The following MAN2A1 variants were observed in gnomAD, a reference collection of about 807,000 sequenced individuals.
The protein encoded by MAN2A1 is alpha-mannosidase 2.
A neutral mutation model predicts 142.6 loss-of-function variants in MAN2A1; 76 were observed. The observed-to-expected ratio is 0.53, with a 90% confidence interval of 0.44 to 0.65. The LOEUF is 0.65. Among genes scored for constraint, MAN2A1 ranks in the 30% least tolerant of loss-of-function variants. The pLI is 0.00. For synonymous variants in MAN2A1, 559 were observed against 473.2 expected, an observed-to-expected ratio of 1.18 and a Z score of -2.35; for missense variants, 1,311 against 1,365.1, an observed-to-expected ratio of 0.96 and a Z score of 0.62.
chr5:109,826,437 T>TC lies in MAN2A1; in HGVS notation c.2566+2601dup, dbSNP rs537780845. On this transcript the variant is annotated intron_variant, in intron 16 of 21. Coordinates refer to ENST00000261483, the MANE Select transcript of MAN2A1 (RefSeq NM_002372.4). Reference sequence around the variant, plus strand: ...ATTCTAGTCCGGATCATTTTTTTTTTCAACATGAAAGCAGTTGGTAGGAAA... The same window carrying TC: ...ATTCTAGTCCGGATCATTTTTTTTTTCCAACATGAAAGCAGTTGGTAGGAAA... Among the ~76,000 whole-genome samples, 82 of 152,288 alleles carry TC rather than the reference T, an allele frequency of 5.4e-4. No individual in the cohort carries two copies. In the East Asian group the frequency reaches 0.015, roughly 28 times the overall value.
intron 16 of MAN2A1, chr5:109,840,063 T>C (rs1489375121): frequency 6.1e-6 from 1 of 163,402 alleles, no homozygotes; most frequent in East Asian, 1.9e-4. Context: ...TTTTTCCTCC[T>C]CAGTCATTAA....
rs768238978 is a variant in MAN2A1, at chr5:109,842,806, G to GTTTTTTTTTTTTTTTTTTTTTTT, written c.2700+362_2700+363insTTTTTTTTTTTTTTTTTTTTTTT. On this transcript the variant is annotated intron_variant, in intron 17 of 21. Transcript: ENST00000261483. ...GGGATTGATGGATTATACTTATTGGGTTTTTTTTTTTTTTTTTGAGAAAGA... is the reference window on the plus strand; with the variant it reads ...GGGATTGATGGATTATACTTATTGGGTTTTTTTTTTTTTTTTTTTTTTTTTTTTTTTTTTTTTTTTGAGAAAGA... Among the ~76,000 whole-genome samples the GTTTTTTTTTTTTTTTTTTTTTTT allele has an allele frequency of 8.6e-5, 10 of 116,180 alleles. 1 individual carries two copies. Among genetic ancestry groups the GTTTTTTTTTTTTTTTTTTTTTTT allele is most frequent in the Non-Finnish European group, 1.0e-4 (6 of 57,776 alleles). 76.2% of individuals were successfully genotyped at this position (116,180 alleles called of 152,430 possible). A position where few individuals can be genotyped will look rare whatever the true frequency, so the allele number is the denominator to read the frequency against.
chr5:109,698,742 G>C (rs1471599223), intron 1 of MAN2A1, among the ~76,000 whole-genome samples: 1 of 152,152 alleles, frequency 6.6e-6, no homozygotes, highest in Non-Finnish European at 1.5e-5. Context: ...GAGGAGTCCG[G>C]AGAGCTGGGA....
chr5:109,761,322 T>C (rs1752838157), intron 5 of MAN2A1, among the ~76,000 whole-genome samples: 1 of 151,828 alleles, frequency 6.6e-6, no homozygotes, highest in Admixed American at 6.6e-5. Context: ...AGAAATTGTT[T>C]AGCTGTTCTG....
chr5:109,696,660 A>G (rs1014583684), intron 1 of MAN2A1, among the ~76,000 whole-genome samples: 9 of 152,282 alleles, frequency 5.9e-5, no homozygotes, highest in Admixed American at 4.6e-4. Flanking sequence ...CTGTACCCCT[A>G]GTTGTAGGAA....
At chr5:109,770,846 A>G (rs1416766106) in intron 7 of MAN2A1, among the ~76,000 whole-genome samples, 3 of 152,174 alleles carry the variant, frequency 2.0e-5, no homozygotes, top group East Asian at 3.8e-4. Flanking sequence ...TTGATTTCAT[A>G]TACTTTTGTT....
At chr5:109,708,951 C>A (rs993190404) in intron 1 of MAN2A1, among the ~76,000 whole-genome samples, 1 of 152,212 alleles carries the variant, frequency 6.6e-6, no homozygotes, top group Non-Finnish European at 1.5e-5. Context: ...ACCGTCTCCT[C>A]TGGAAACACT....
intron 1 of MAN2A1, among the ~76,000 whole-genome samples, chr5:109,711,642 T>G (rs1751304431): frequency 6.6e-6 from 1 of 152,198 alleles, no homozygotes; most frequent in Non-Finnish European, 1.5e-5. Flanking sequence ...TCAACTAGCT[T>G]CTCTATTTGA....
intron 4 of MAN2A1, among the ~76,000 whole-genome samples, chr5:109,744,551 T>C (rs776098489): frequency 6.6e-6 from 1 of 152,110 alleles, no homozygotes; most frequent in Admixed American, 6.5e-5. Flanking sequence ...GAGATACATA[T>C]CAAAACTTCT....
At chr5:109,720,435 T>C (rs1192336512) in intron 3 of MAN2A1, among the ~76,000 whole-genome samples, 3 of 152,318 alleles carry the variant, frequency 2.0e-5, no homozygotes, top group South Asian at 4.1e-4. Flanking sequence ...ATGATAATTA[T>C]GTATCCTCTA....
chr5:109,802,693 T>G (rs1477739859), intron 12 of MAN2A1, among the ~76,000 whole-genome samples: 2 of 152,098 alleles, frequency 1.3e-5, no homozygotes, highest in African/African-American at 2.4e-5. Flanking sequence ...AGCTGAGCAG[T>G]GCTTTTCACC....
chr5:109,712,601 A>G (rs1447098672), intron 1 of MAN2A1, among the ~76,000 whole-genome samples: 1 of 151,898 alleles, frequency 6.6e-6, no homozygotes, highest in Non-Finnish European at 1.5e-5. Flanking sequence ...TTCACCATGC[A>G]TGTAGTTTTT....
intron 20 of MAN2A1, chr5:109,862,840 G>A (rs1755789924): frequency 1.3e-5 from 2 of 152,056 alleles, no homozygotes; most frequent in Non-Finnish European, 2.9e-5. Context: ...ATTTCAGTTC[G>A]TTTTTACAAA....
intron 4 of MAN2A1, among the ~76,000 whole-genome samples, chr5:109,733,482 G>T (rs1751984039): frequency 6.6e-6 from 1 of 152,162 alleles, no homozygotes; most frequent in Non-Finnish European, 1.5e-5. Flanking sequence ...CATTCAGTAT[G>T]ATATTGGCTG....
In MAN2A1 at chr5:109,869,331, T is replaced by A. The variant is rs575562812; in HGVS notation, c.*2333T>A. On this transcript the variant is annotated 3_prime_UTR_variant, in exon 22 of 22. Coordinates refer to ENST00000261483, the MANE Select transcript of MAN2A1 (RefSeq NM_002372.4). ...TTTCCTTTTTTTGGAAATTTTAGTT[T>A]GAGTTTGTGACTGCAGTGTTCAAGA... The A allele has an allele frequency of 2.6e-5, 4 of 152,328 alleles. No individual in the cohort carries two copies. Among genetic ancestry groups the A allele is most frequent in the African/African-American group, 9.6e-5 (4 of 41,566 alleles). 9.4% of individuals were successfully genotyped at this position (152,328 alleles called of 1,614,324 possible).
At chr5:109,778,661 A>G (rs531607171) in intron 8 of MAN2A1, among the ~76,000 whole-genome samples, 166 of 152,228 alleles carry the variant, frequency 1.1e-3, no homozygotes, top group African/African-American at 3.8e-3. Context: ...GGTAGAGTAT[A>G]GGGTCCACCT....
At chr5:109,809,547 C>G (rs534718734) in intron 12 of MAN2A1, among the ~76,000 whole-genome samples, 1 of 151,956 alleles carries the variant, frequency 6.6e-6, no homozygotes, top group Non-Finnish European at 1.5e-5. Flanking sequence ...TTTTTTGTTT[C>G]CTCACCACCT....
At chr5:109,775,572 T>A (rs1753266666) in intron 8 of MAN2A1, among the ~76,000 whole-genome samples, 1 of 152,032 alleles carries the variant, frequency 6.6e-6, no homozygotes. Flanking sequence ...ATGGCTCAGC[T>A]GCAGCATTCT....
intron 12 of MAN2A1, among the ~76,000 whole-genome samples, chr5:109,810,728 C>T (rs919050294): frequency 6.6e-6 from 1 of 152,188 alleles, no homozygotes; most frequent in African/African-American, 2.4e-5. Context: ...CTGCAGAAGG[C>T]TGGTCACTTT....
Sources: gnomAD v4.1 joint callset for allele counts (sites outside exome capture counted in the v4.1 genomes callset) on GRCh38, gnomAD v4.1.1 for gene constraint, MANE v1.5 for transcripts, NCBI Gene and HGNC (gene_info 2026-07-23, HGNC 2026-07-21) for gene names.